The following GPC5 variants were observed in gnomAD, a reference collection of about 807,000 sequenced individuals.
GPC5 encodes the protein glypican 5.
GPC5 carries 47 observed loss-of-function variants against 53.9 expected under a neutral mutation model. The ratio of observed to expected loss-of-function variants is 0.87; its 90% CI spans 0.69 to 1.11. The LOEUF (loss-of-function observed/expected upper bound fraction) is 1.11. GPC5 is among the 50% of genes most tolerant of loss of function. GPC5 has a pLI of 0.00. For missense variants in GPC5, 748 were observed against 713.1 expected (o/e 1.05, Z -0.56); for synonymous variants, 286 against 263.3 (o/e 1.09, Z -0.84).
chr13:91,993,566 T>C (rs1489901975), intron 6 of GPC5, among the ~76,000 whole-genome samples: 1 of 152,226 alleles, frequency 6.6e-6, no homozygotes, highest in Non-Finnish European at 1.5e-5. Context: ...TCAATTGTCA[T>C]GTAATTCTGG....
chr13:92,316,332 A>G (rs1199467842), intron 7 of GPC5, among the ~76,000 whole-genome samples: 2 of 152,156 alleles, frequency 1.3e-5, no homozygotes, highest in Non-Finnish European at 2.9e-5. Context: ...AAAAATTAGG[A>G]GGAAGGTAAT....
At chr13:92,354,107 C>T (rs142328242) in intron 7 of GPC5, among the ~76,000 whole-genome samples, 2 of 152,126 alleles carry the variant, frequency 1.3e-5, no homozygotes, top group East Asian at 3.9e-4. Flanking sequence ...TATGTTTGAC[C>T]TTGTCAAAAC....
chr13:91,607,465 A>G (rs2033408554), intron 2 of GPC5, among the ~76,000 whole-genome samples: 1 of 152,186 alleles, frequency 6.6e-6, no homozygotes, highest in African/African-American at 2.4e-5. Flanking sequence ...ATGGTGATGT[A>G]ACTAGACAGC....
chr13:92,826,626 A>G (rs997479423), intron 7 of GPC5, among the ~76,000 whole-genome samples: 3 of 152,162 alleles, frequency 2.0e-5, no homozygotes, highest in African/African-American at 7.2e-5. Flanking sequence ...CTTAAAATAT[A>G]TATCCCAAGG....
At chr13:92,150,326 T>A (rs1021014727) in intron 7 of GPC5, among the ~76,000 whole-genome samples, 1 of 152,036 alleles carries the variant, frequency 6.6e-6, no homozygotes, top group African/African-American at 2.4e-5. Flanking sequence ...TCCAGTTTAA[T>A]GTTCAAAATT....
At chr13:91,788,933 G>T (rs1594565141) in intron 5 of GPC5, among the ~76,000 whole-genome samples, 1 of 152,134 alleles carries the variant, frequency 6.6e-6, no homozygotes, top group Non-Finnish European at 1.5e-5. Context: ...TTACTTTTAG[G>T]CAGGGCATGG....
intron 7 of GPC5, among the ~76,000 whole-genome samples, chr13:92,398,332 G>A (rs1278953816): frequency 3.4e-5 from 5 of 146,596 alleles, no homozygotes; most frequent in Non-Finnish European, 7.5e-5. Flanking sequence ...GGGAGGCTGA[G>A]GCAGGAGAAT....
At chr13:92,702,337 A>G (rs1236691724) in intron 7 of GPC5, among the ~76,000 whole-genome samples, 1 of 152,116 alleles carries the variant, frequency 6.6e-6, no homozygotes, top group Non-Finnish European at 1.5e-5. Context: ...ATCTTTATTC[A>G]AACATCTCTA....
chr13:91,427,378 C>T (rs1879133745), intron 1 of GPC5, among the ~76,000 whole-genome samples: 1 of 152,198 alleles, frequency 6.6e-6, no homozygotes, highest in Admixed American at 6.5e-5. Flanking sequence ...CCTCTTGCAT[C>T]AGTGTGACCT....
At chr13:91,970,077 A>G (rs1185182955) in intron 6 of GPC5, among the ~76,000 whole-genome samples, 1 of 152,188 alleles carries the variant, frequency 6.6e-6, no homozygotes, top group Non-Finnish European at 1.5e-5. Flanking sequence ...ATGGAAAACT[A>G]TTCAGTATTT....
intron 2 of GPC5, among the ~76,000 whole-genome samples, chr13:91,593,458 T>C (rs2032878435): frequency 9.6e-6 from 1 of 103,768 alleles, no homozygotes; most frequent in African/African-American, 2.8e-5. Flanking sequence ...GTTTGTAGTA[T>C]GATGTCTCTG....
intron 7 of GPC5, among the ~76,000 whole-genome samples, chr13:92,863,968 C>A (rs895836576): frequency 6.6e-6 from 1 of 152,154 alleles, no homozygotes; most frequent in Admixed American, 6.5e-5. Flanking sequence ...TCAAAAATTA[C>A]TTTGTTTTTC....
intron 7 of GPC5, among the ~76,000 whole-genome samples, chr13:92,762,942 A>G (rs1022339262): frequency 1.3e-5 from 2 of 150,880 alleles, no homozygotes; most frequent in Non-Finnish European, 3.0e-5. Flanking sequence ...TTTAGCCCCA[A>G]GATTTCTGTT....
At chr13:91,453,480 C>A (rs4773631) in intron 2 of GPC5, among the ~76,000 whole-genome samples, 1 of 151,716 alleles carries the variant, frequency 6.6e-6, no homozygotes, top group Non-Finnish European at 1.5e-5. Flanking sequence ...AAGCATAGAG[C>A]ACATTAATCT....
intron 6 of GPC5, among the ~76,000 whole-genome samples, chr13:91,961,626 A>G (rs1185240515): frequency 1.3e-5 from 2 of 152,102 alleles, no homozygotes; most frequent in East Asian, 3.8e-4. Flanking sequence ...ACACAGCAGA[A>G]AACAAACTCA....
At chr13:91,681,653 A>AT (rs1420614109) in intron 2 of GPC5, among the ~76,000 whole-genome samples, 1 of 151,936 alleles carries the variant, frequency 6.6e-6, no homozygotes, top group Non-Finnish European at 1.5e-5. Context: ...AACAATATTT[A>AT]TTTTTTTCTC....
chr13:91,878,979 A>G (rs2039234882), intron 5 of GPC5, among the ~76,000 whole-genome samples: 1 of 152,134 alleles, frequency 6.6e-6, no homozygotes, highest in African/African-American at 2.4e-5. Context: ...CTATAATCAT[A>G]TTGTCTCCTA....
intron 2 of GPC5, among the ~76,000 whole-genome samples, chr13:91,647,493 C>T (rs572429558): frequency 6.6e-6 from 1 of 152,286 alleles, no homozygotes; most frequent in South Asian, 2.1e-4. Flanking sequence ...GGGCCCAGGC[C>T]CAGAGCTCTG....
At chr13:92,466,479 C>T (rs923818128) in intron 7 of GPC5, among the ~76,000 whole-genome samples, 21 of 151,924 alleles carry the variant, frequency 1.4e-4, no homozygotes, top group African/African-American at 5.1e-4. Flanking sequence ...TAGACCATTA[C>T]GGTGTAAGGA....
Sources: allele counts gnomAD v4.1 joint callset (sites outside exome capture counted in the v4.1 genomes callset), GRCh38; gene constraint gnomAD v4.1.1; transcripts MANE v1.5; gene names NCBI Gene and HGNC (gene_info 2026-07-23, HGNC 2026-07-21).